Variants in CATSPERD observed in about 807,000 individuals in gnomAD.
The protein encoded by CATSPERD is cation channel sperm-associated auxiliary subunit delta.
CATSPERD carries 86 observed loss-of-function variants against 98.1 expected under a neutral mutation model. The observed-to-expected ratio is 0.88, with a 90% CI of 0.74 to 1.05. The LOEUF (loss-of-function observed/expected upper bound fraction) is 1.05. Ranked by LOEUF, CATSPERD falls within the 50% of genes least tolerant of loss-of-function variation. The probability of loss-of-function intolerance (pLI) is 0.00; values close to 1 mark genes in which losing one functional copy is unlikely to be tolerated. For synonymous variants in CATSPERD, 394 were observed against 390.2 expected, an observed-to-expected ratio of 1.01 and a Z score of -0.12; for missense variants, 995 against 1,005.7, an observed-to-expected ratio of 0.99 and a Z score of 0.14.
intron 5 of CATSPERD, among the ~76,000 whole-genome samples, chr19:5,734,368 G>A (rs895605323): frequency 2.6e-4 from 40 of 152,092 alleles, no homozygotes; most frequent in African/African-American, 9.2e-4. Flanking sequence ...GCTGAGTGCC[G>A]TGGCTCACGC....
intron 6 of CATSPERD, among the ~76,000 whole-genome samples, chr19:5,737,850 CAA>C (rs560043195): frequency 1.4e-4 from 16 of 110,888 alleles, no homozygotes; most frequent in Non-Finnish European, 1.9e-4. Context: ...AACTCCATCT[CAA>C]AAAAAAAAAA....
chr19:5,724,678 G>C, intron 1 of CATSPERD, 130 bp from the exon 2 acceptor site: 1 of 878,912 alleles, frequency 1.1e-6, no homozygotes, highest in Non-Finnish European at 1.8e-6. Context: ...CAGCCTGGGC[G>C]ACAGAGTGAG....
chr19:5,733,407 C>T (rs1349585852), intron 4 of CATSPERD, among the ~76,000 whole-genome samples: 6 of 140,974 alleles, frequency 4.3e-5, no homozygotes, highest in African/African-American at 1.6e-4. Context: ...TTCCTTTCTT[C>T]TCCTTCCTTC....
chr19:5,766,851 C>T (rs1430694800), intron 17 of CATSPERD, among the ~76,000 whole-genome samples: 1 of 151,742 alleles, frequency 6.6e-6, no homozygotes, highest in African/African-American at 2.4e-5. Context: ...CGCTACCATG[C>T]CTGGCTAATT....
chr19:5,734,718 C>T (rs10406410), intron 5 of CATSPERD, among the ~76,000 whole-genome samples: 8,099 of 151,798 alleles, frequency 0.053, 311 homozygotes, highest in African/African-American at 0.1. Flanking sequence ...AGGAGGATCC[C>T]TTGAGCCCAG....
chr19:5,735,212 A>T (rs1310281737), intron 5 of CATSPERD, among the ~76,000 whole-genome samples: 1 of 152,130 alleles, frequency 6.6e-6, no homozygotes, highest in Admixed American at 6.6e-5. Context: ...GTCTTGGCTC[A>T]CTGCAACCTC....
chr19:5,752,678 C>G (rs1033297950), intron 12 of CATSPERD, among the ~76,000 whole-genome samples: 2 of 152,000 alleles, frequency 1.3e-5, no homozygotes, highest in African/African-American at 4.8e-5. Flanking sequence ...CCAGGGAAAT[C>G]CAGATTTTGA....
chr19:5,767,210 G>A (rs1446632112), intron 17 of CATSPERD, among the ~76,000 whole-genome samples: 4 of 147,822 alleles, frequency 2.7e-5, no homozygotes, highest in Non-Finnish European at 4.5e-5. Flanking sequence ...CCAGCTACTC[G>A]GGAGGCTGAG....
At chr19:5,762,726 G>C (rs1161803850) in intron 15 of CATSPERD, among the ~76,000 whole-genome samples, 2 of 151,226 alleles carry the variant, frequency 1.3e-5, no homozygotes, top group African/African-American at 4.9e-5. Flanking sequence ...AGATGGATGA[G>C]TGGATGGATA....
At chr19:5,731,563 T>TTG (rs2055720447) in intron 4 of CATSPERD, among the ~76,000 whole-genome samples, 1 of 106,704 alleles carries the variant, frequency 9.4e-6, no homozygotes, top group Non-Finnish European at 1.9e-5. Flanking sequence ...CTTAACAGTT[T>TTG]TTTTTTTTTT....
At chr19:5,777,748 G>A (rs1200458521) in intron 21 of CATSPERD, among the ~76,000 whole-genome samples, 1 of 152,016 alleles carries the variant, frequency 6.6e-6, no homozygotes. Flanking sequence ...GATGGTGGGC[G>A]CCTGTAATCC....
chr19:5,749,258 G>GAGGC, intron 11 of CATSPERD, 75 bp downstream of exon 11: 1 of 1,008,822 alleles, frequency 9.9e-7, no homozygotes, highest in Middle Eastern at 2.7e-4. Context: ...TTGGGAGGCT[G>GAGGC]AGGTGGAAGG....
At chr19:5,726,571 G>A (rs2055607845) in intron 2 of CATSPERD, among the ~76,000 whole-genome samples, 1 of 151,442 alleles carries the variant, frequency 6.6e-6, no homozygotes. Context: ...TTGTAGAGAT[G>A]TGGTCTTGCT....
chr19:5,720,830 G>A (rs2055443827), intron 1 of CATSPERD, 22 bp downstream of exon 1: 3 of 1,588,548 alleles, frequency 1.9e-6, no homozygotes, highest in Non-Finnish European at 2.6e-6. Flanking sequence ...AGGACTCCTG[G>A]GGCTGGGGTG....
intron 21 of CATSPERD, 122 bp downstream of exon 21, chr19:5,776,437 C>A: frequency 9.3e-7 from 1 of 1,078,670 alleles, no homozygotes; most frequent in Non-Finnish European, 1.3e-6. Context: ...CCAGGCCGTC[C>A]CCAGGACAAG....
intron 4 of CATSPERD, among the ~76,000 whole-genome samples, chr19:5,731,553 C>CT (rs2055717794): frequency 8.4e-6 from 1 of 118,350 alleles, no homozygotes; most frequent in African/African-American, 3.1e-5. Context: ...AAAAGCGACA[C>CT]TTAACAGTTT....
At chr19:5,739,487 G>T in intron 7 of CATSPERD, 48 bp downstream of exon 7, 1 of 1,074,512 alleles carries the variant, frequency 9.3e-7, no homozygotes, top group African/African-American at 1.6e-5. Context: ...TATGTACCTT[G>T]TGATTGTAGT....
chr19:5,723,062 T>C (rs1033849997), intron 1 of CATSPERD, among the ~76,000 whole-genome samples: 71 of 149,930 alleles, frequency 4.7e-4, no homozygotes, highest in African/African-American at 1.5e-3. Flanking sequence ...TGGCGGGCGC[T>C]TGTAGTCCCA....
At chr19:5,722,963 C>T (rs1477014214) in intron 1 of CATSPERD, among the ~76,000 whole-genome samples, 12 of 151,946 alleles carry the variant, frequency 7.9e-5, no homozygotes, top group Non-Finnish European at 1.5e-4. Context: ...TGGAGGCGGG[C>T]GGATCACGAG....
Sources: allele counts gnomAD v4.1 joint callset (sites outside exome capture counted in the v4.1 genomes callset), GRCh38; gene constraint gnomAD v4.1.1; transcripts MANE v1.5; gene names NCBI Gene and HGNC (gene_info 2026-07-23, HGNC 2026-07-21).